FSTL4: variants seen among roughly 807,000 people sequenced by gnomAD.
FSTL4 encodes the protein follistatin like 4, also known as follistatin-related protein 4.
In FSTL4, 28 loss-of-function variants were observed where a neutral mutation model predicts 78.2. That is an observed-to-expected ratio of 0.36 (90% CI 0.27 to 0.49). The LOEUF (loss-of-function observed/expected upper bound fraction) is 0.49, where lower values mean the gene tolerates loss of function less well. Ranked by LOEUF, FSTL4 falls within the 20% of genes least tolerant of loss-of-function variation. The pLI, the probability that FSTL4 is intolerant of heterozygous loss-of-function variation, is 0.98. For missense variants in FSTL4, 922 were observed against 1,084.9 expected, an observed-to-expected ratio of 0.85 and a Z score of 2.11; for synonymous variants, 422 against 440.5, an observed-to-expected ratio of 0.96 and a Z score of 0.53.
At chr5:133,295,540 C>T (rs761832951) in intron 6 of FSTL4, among the ~76,000 whole-genome samples, 1 of 152,180 alleles carries the variant, frequency 6.6e-6, no homozygotes, top group Non-Finnish European at 1.5e-5. Context: ...GAAGATTTAT[C>T]TTCATTTAGT....
chr5:133,706,365 T>C, the FSTL4 span, among the ~76,000 whole-genome samples: 3 of 152,248 alleles, frequency 2.0e-5, no homozygotes, highest in Non-Finnish European at 4.4e-5. Flanking sequence ...GGATGATACC[T>C]CTTTTACCAA....
Position 133,249,567 on chromosome 5 carries a change from T to C in FSTL4, c.737A>G (p.Gln246Arg), listed in dbSNP as rs1354791578. Residue 246 changes from glutamine to arginine, a missense_variant, in exon 7 of 16, where the codon CAG (glutamine) becomes CGG (arginine). Physicochemically the swap from Gln to Arg is conservative, Grantham distance 43. Coordinates refer to ENST00000265342, the MANE Select transcript of FSTL4 (RefSeq NM_015082.2). ...CCTGTCCTCGGGGGCGAGGCTGAGC[T>C]GAACCACTTCTGCAGAGGGAAAGGA... ...REFYMAFQVV[Q>R]LSLAPEDRVS... 3.7e-6 allele frequency: 6 copies of C among 1,611,264 alleles called. No homozygotes were observed. The South Asian group carries it at 6.6e-5, about 18-fold the overall frequency.
chr5:133,242,536 C>T (rs1751905169), intron 7 of FSTL4, among the ~76,000 whole-genome samples: 1 of 152,060 alleles, frequency 6.6e-6, no homozygotes, highest in African/African-American at 2.4e-5. Context: ...CAGGGCTTCC[C>T]CTAAGGCTTT....
the FSTL4 span, among the ~76,000 whole-genome samples, chr5:133,688,372 C>T: frequency 6.6e-6 from 1 of 152,150 alleles, no homozygotes; most frequent in South Asian, 2.1e-4. Context: ...GAGATCACAC[C>T]ATGGCACTCC....
intron 11 of FSTL4, among the ~76,000 whole-genome samples, chr5:133,222,935 T>C (rs1751192374): frequency 6.6e-6 from 1 of 152,242 alleles, no homozygotes; most frequent in Non-Finnish European, 1.5e-5. Context: ...CCAGGCAGTA[T>C]TGAATTTGTT....
chr5:133,838,420 T>C, the FSTL4 span, among the ~76,000 whole-genome samples: 1,863 of 152,336 alleles, frequency 0.012, 45 homozygotes, highest in African/African-American at 0.043. Flanking sequence ...CTGGACAATT[T>C]TGGCTTGGGG....
chr5:133,804,112 G>C, the FSTL4 span, among the ~76,000 whole-genome samples: 4 of 152,098 alleles, frequency 2.6e-5, no homozygotes, highest in Non-Finnish European at 5.9e-5. Context: ...CCAACAATTG[G>C]ATAAGCCTCT....
At chr5:133,690,565 T>G in the FSTL4 span, among the ~76,000 whole-genome samples, 8 of 152,318 alleles carry the variant, frequency 5.3e-5, no homozygotes, top group African/African-American at 1.7e-4. Flanking sequence ...CCTGCCTGCA[T>G]GCATATAGGA....
the FSTL4 span, among the ~76,000 whole-genome samples, chr5:133,797,623 GGTCCTCTT>G: frequency 6.6e-6 from 1 of 152,090 alleles, no homozygotes; most frequent in South Asian, 2.1e-4. Context: ...ATTTCTCTGG[GGTCCTCTT>G]GGCCAAGAGG....
chr5:133,449,408 C>T (rs1757335851), intron 3 of FSTL4, among the ~76,000 whole-genome samples: 1 of 152,232 alleles, frequency 6.6e-6, no homozygotes, highest in African/African-American at 2.4e-5. Context: ...TGGCATGACA[C>T]TGTCAGCTGA....
chr5:133,611,951 T>C lies in FSTL4; in HGVS notation c.-11+374A>G, dbSNP rs1447524406. Among the ~76,000 whole-genome samples, 3 of 151,812 alleles carry C rather than the reference T, an allele frequency of 2.0e-5. No individual in the cohort carries two copies. Among genetic ancestry groups the C allele is most frequent in the Non-Finnish European group, 1.5e-5 (1 of 67,924 alleles). On this transcript the variant is annotated intron_variant, in intron 1 of 15. Transcript: ENST00000265342. This position sits in a 1 kb window ranked among gnomAD's most constrained non-coding sequence, Gnocchi z 4.9. ...GGGTCCTGAACCCAAGAACGGCGCC[T>C]GCAGGATTTCGGAGCCGGGCGCGAG...
At chr5:133,351,451 C>T (rs1403275454) in intron 4 of FSTL4, among the ~76,000 whole-genome samples, 1 of 152,094 alleles carries the variant, frequency 6.6e-6, no homozygotes, top group Non-Finnish European at 1.5e-5. Context: ...TTCTATAACT[C>T]CTATTAGATG....
At chr5:133,335,080 C>T (rs972908165) in intron 4 of FSTL4, among the ~76,000 whole-genome samples, 2 of 152,230 alleles carry the variant, frequency 1.3e-5, no homozygotes, top group African/African-American at 2.4e-5. Context: ...TCCCGAAACA[C>T]CTGGCGGTCT....
At chr5:133,713,099 A>T in the FSTL4 span, among the ~76,000 whole-genome samples, 1 of 152,208 alleles carries the variant, frequency 6.6e-6, no homozygotes, top group Non-Finnish European at 1.5e-5. Context: ...AAACAGAGCC[A>T]CAGCAAATCC....
the FSTL4 span, among the ~76,000 whole-genome samples, chr5:133,730,097 C>T: frequency 1.3e-5 from 2 of 152,184 alleles, no homozygotes; most frequent in South Asian, 4.1e-4. Flanking sequence ...CCTGAGGAGA[C>T]TGATGTGAGG....
At chr5:133,255,680 C>T (rs763993476) in intron 6 of FSTL4, among the ~76,000 whole-genome samples, 3 of 152,232 alleles carry the variant, frequency 2.0e-5, no homozygotes, top group African/African-American at 4.8e-5. Flanking sequence ...GTTTTCCAGA[C>T]ATGAGATGCC....
At chr5:133,668,003 A>G in the FSTL4 span, among the ~76,000 whole-genome samples, 1 of 152,226 alleles carries the variant, frequency 6.6e-6, no homozygotes, top group Non-Finnish European at 1.5e-5. Flanking sequence ...GCCTGATAAC[A>G]CTTCTCACTC....
chr5:133,639,230 C>T, the FSTL4 span, among the ~76,000 whole-genome samples: 8 of 152,164 alleles, frequency 5.3e-5, no homozygotes, highest in South Asian at 1.7e-3. Flanking sequence ...CACATTTTCT[C>T]ACTCATAAGT....
the FSTL4 span, among the ~76,000 whole-genome samples, chr5:133,690,403 A>T: frequency 9.2e-5 from 14 of 152,182 alleles, no homozygotes; most frequent in African/African-American, 3.4e-4. Flanking sequence ...GCAAAATGCC[A>T]CTTTCCTTAA....
Sources: gnomAD v4.1 joint callset for allele counts (sites outside exome capture counted in the v4.1 genomes callset) on GRCh38, gnomAD v4.1.1 for gene constraint, Gnocchi (gnomAD v3.1) non-coding constraint, MANE v1.5 for transcripts, NCBI Gene and HGNC (gene_info 2026-07-23, HGNC 2026-07-21) for gene names.